The following TMEM200A variants were observed in gnomAD, a reference collection of about 807,000 sequenced individuals.
The protein encoded by TMEM200A is transmembrane protein 200A.
Under a neutral mutation model 24.3 loss-of-function variants are expected in TMEM200A, and 12 were observed. That is an observed-to-expected ratio of 0.49 (90% CI 0.32 to 0.80). TMEM200A has a LOEUF of 0.80. TMEM200A is among the 30% of genes least tolerant of loss of function. TMEM200A has a pLI of 0.04. For synonymous variants in TMEM200A, 224 were observed against 224.4 expected (o/e 1.00, Z 0.02); for missense variants, 545 against 614.4 (o/e 0.89, Z 1.19).
chr6:130,372,986 G>T (rs942938953), intron 1 of TMEM200A, among the ~76,000 whole-genome samples: 1 of 152,154 alleles, frequency 6.6e-6, no homozygotes, highest in African/African-American at 2.4e-5. Flanking sequence ...CAAAAGCAAT[G>T]GTGAATAGGA....
chr6:130,426,703 A>ATG (rs1779753323), intron 2 of TMEM200A, among the ~76,000 whole-genome samples: 1 of 152,186 alleles, frequency 6.6e-6, no homozygotes, highest in African/African-American at 2.4e-5. Context: ...AAAGAAAGCC[A>ATG]TGTCCCTTTT....
intron 2 of TMEM200A, among the ~76,000 whole-genome samples, chr6:130,428,434 TTC>T (rs1304450714): frequency 2.0e-5 from 3 of 152,152 alleles, no homozygotes; most frequent in African/African-American, 7.2e-5. Context: ...TCCACCTTTT[TTC>T]TTTCTTTCTT....
rs1486185381 is a variant in TMEM200A, at chr6:130,366,158, C to T, written c.-447C>T. ...GCCCGGTGCCCTCCGAGGGCAGGCG[C>T]GCCTGGACTCTGCGCCCGGATGGCG... On this transcript the variant is annotated 5_prime_UTR_variant, in exon 1 of 3. Transcript: ENST00000296978. The surrounding 1 kb of genome is among the most constrained non-coding windows in gnomAD (Gnocchi z 4.4). The T allele has an allele frequency of 4.1e-6, 4 of 985,318 alleles. No individual in the cohort carries two copies. The African/African-American group carries it at 7.0e-5, about 17-fold the overall frequency. 61.0% of individuals were successfully genotyped at this position (985,318 alleles called of 1,614,324 possible). A position where few individuals can be genotyped will look rare whatever the true frequency, so the allele number is the denominator to read the frequency against.
At chr6:130,437,009 T>C (rs1780038436) in intron 2 of TMEM200A, 4 of 152,158 alleles carry the variant, frequency 2.6e-5, no homozygotes, top group Admixed American at 2.0e-4. Context: ...TTTTCCGGTA[T>C]TGGTCCCTAA....
chr6:130,413,550 T>G (rs755281629), intron 2 of TMEM200A, among the ~76,000 whole-genome samples: 36 of 152,172 alleles, frequency 2.4e-4, no homozygotes, highest in Non-Finnish European at 4.9e-4. Flanking sequence ...CCTTGATTCT[T>G]GTCCTTTCAC....
At chr6:130,375,056 A>C (rs1778418108) in intron 1 of TMEM200A, among the ~76,000 whole-genome samples, 1 of 152,196 alleles carries the variant, frequency 6.6e-6, no homozygotes, top group Non-Finnish European at 1.5e-5. Context: ...TCCTACAAAA[A>C]TAATTTACAA....
intron 1 of TMEM200A, among the ~76,000 whole-genome samples, chr6:130,370,876 G>A (rs898452996): frequency 5.3e-5 from 8 of 152,292 alleles, no homozygotes; most frequent in Non-Finnish European, 1.2e-4. Context: ...CCATTGTAGA[G>A]CCAGTGAAAG....
At chr6:130,375,720 G>A (rs900705506) in intron 1 of TMEM200A, among the ~76,000 whole-genome samples, 3 of 152,132 alleles carry the variant, frequency 2.0e-5, no homozygotes, top group Non-Finnish European at 2.9e-5. Flanking sequence ...ATTGGAGTAG[G>A]TTTTATACTC....
intron 2 of TMEM200A, among the ~76,000 whole-genome samples, chr6:130,418,647 A>G (rs1019625270): frequency 6.6e-6 from 1 of 152,162 alleles, no homozygotes. Flanking sequence ...ACATTTAGTC[A>G]TGACAGCAAT....
rs74741967 is a variant in TMEM200A at position 130,442,915 on chromosome 6, A to AGTTC, written c.*1018_*1021dup. On this transcript the variant is annotated 3_prime_UTR_variant, in exon 3 of 3. Transcript: ENST00000296978. The stretch of plus-strand genomic sequence containing the variant: ...CTATCTCGGTAGTTCAAAAAAATTT[A>AGTTC]GTTCTTGATAAATTGCCTTGAAGTT... 6.8e-6 allele frequency: 1 copy of AGTTC among 146,208 alleles called. No homozygotes were observed. The highest frequency in any genetic ancestry group is 2.5e-5 in the African/African-American group (1 of 39,802). The allele number at this position is 146,208 out of a possible 1,614,324, so 9.1% of individuals were successfully genotyped here. A position where few individuals can be genotyped will look rare whatever the true frequency, so the allele number is the denominator to read the frequency against.
intron 2 of TMEM200A, among the ~76,000 whole-genome samples, chr6:130,418,892 T>A: frequency 6.6e-6 from 1 of 152,214 alleles, no homozygotes; most frequent in East Asian, 1.9e-4. Context: ...CCACCTCAAA[T>A]TTTTCTCATT....
chr6:130,400,427 T>C (rs1411846465), intron 2 of TMEM200A, among the ~76,000 whole-genome samples: 1 of 151,990 alleles, frequency 6.6e-6, no homozygotes, highest in African/African-American at 2.4e-5. Context: ...ACTTTCCTAT[T>C]TTTTTAATTA....
At chr6:130,435,110 G>T (rs561088030) in intron 2 of TMEM200A, among the ~76,000 whole-genome samples, 1 of 150,360 alleles carries the variant, frequency 6.7e-6, no homozygotes, top group Non-Finnish European at 1.5e-5. Context: ...AACTAATTTT[G>T]TATTTTTGGT....
intron 1 of TMEM200A, among the ~76,000 whole-genome samples, chr6:130,376,124 C>T (rs1415506157): frequency 6.6e-6 from 1 of 151,900 alleles, no homozygotes; most frequent in Non-Finnish European, 1.5e-5. Context: ...AGCATATTGA[C>T]TTGTACATTA....
chr6:130,383,125 G>T, intron 1 of TMEM200A: 1 of 896,678 alleles, frequency 1.1e-6, no homozygotes, highest in Non-Finnish European at 1.3e-6. Context: ...AATTAGGACG[G>T]CACTCCATGG....
At chr6:130,375,931 G>A (rs1995489) in intron 1 of TMEM200A, among the ~76,000 whole-genome samples, 26,690 of 152,012 alleles carry the variant, frequency 0.18, 2,607 homozygotes, top group East Asian at 0.39. Flanking sequence ...CTATATGGCT[G>A]AAGACATTTC....
intron 2 of TMEM200A, among the ~76,000 whole-genome samples, chr6:130,403,978 C>T (rs1309827239): frequency 1.3e-5 from 2 of 152,034 alleles, no homozygotes; most frequent in African/African-American, 4.8e-5. Flanking sequence ...TCCAGCTCCA[C>T]CCATTTCCCT....
intron 1 of TMEM200A, among the ~76,000 whole-genome samples, chr6:130,368,520 G>T (rs993818934): frequency 1.3e-5 from 2 of 152,230 alleles, no homozygotes; most frequent in South Asian, 2.1e-4. Flanking sequence ...TTTTATTAAG[G>T]AATGTATATC....
intron 1 of TMEM200A, among the ~76,000 whole-genome samples, chr6:130,381,547 C>T (rs577494880): frequency 1.3e-5 from 2 of 152,252 alleles, no homozygotes; most frequent in African/African-American, 4.8e-5. Context: ...GTATCAGGCT[C>T]GGATTACAGT....
Sources: gnomAD v4.1 joint callset for allele counts (sites outside exome capture counted in the v4.1 genomes callset) on GRCh38, gnomAD v4.1.1 for gene constraint, Gnocchi (gnomAD v3.1) non-coding constraint, MANE v1.5 for transcripts, NCBI Gene and HGNC (gene_info 2026-07-23, HGNC 2026-07-21) for gene names.